Variants in LRP8 observed in about 807,000 individuals in gnomAD.
LRP8 encodes the protein low-density lipoprotein receptor-related protein 8.
A neutral mutation model predicts 111.6 loss-of-function variants in LRP8; 46 were observed. The ratio of observed to expected loss-of-function variants is 0.41; its 90% CI spans 0.33 to 0.53. LRP8 has a LOEUF of 0.53. Ranked by LOEUF, LRP8 falls within the 20% of genes least tolerant of loss-of-function variation. LRP8 has a pLI of 0.20. For synonymous variants in LRP8, 464 were observed against 511.2 expected, an observed-to-expected ratio of 0.91 and a Z score of 1.24; for missense variants, 959 against 1,297.4, an observed-to-expected ratio of 0.74 and a Z score of 4.01.
chr1:53,252,140 G>A (rs1007473069), intron 16 of LRP8, among the ~76,000 whole-genome samples: 3 of 151,724 alleles, frequency 2.0e-5, no homozygotes, highest in African/African-American at 7.3e-5. Context: ...ACTCTTAAGA[G>A]AAGCTGGTGA....
At chr1:53,316,623 C>A (rs1019212511) in intron 2 of LRP8, among the ~76,000 whole-genome samples, 1 of 152,232 alleles carries the variant, frequency 6.6e-6, no homozygotes, top group African/African-American at 2.4e-5. Flanking sequence ...GGCAGACTCC[C>A]ACCATGTGAA....
intron 2 of LRP8, among the ~76,000 whole-genome samples, chr1:53,318,232 C>T (rs1368888155): frequency 6.6e-6 from 1 of 151,536 alleles, no homozygotes; most frequent in South Asian, 2.1e-4. Context: ...CAGTTTTGTA[C>T]TCTTCTGCTT....
At chr1:53,278,717 G>C (rs1647007782) in intron 4 of LRP8, among the ~76,000 whole-genome samples, 1 of 150,844 alleles carries the variant, frequency 6.6e-6, no homozygotes, top group Admixed American at 6.6e-5. Flanking sequence ...TGCAGGGAGG[G>C]TGGACTCACT....
chr1:53,312,162 G>A (rs1653117450), intron 2 of LRP8, among the ~76,000 whole-genome samples: 1 of 152,186 alleles, frequency 6.6e-6, no homozygotes. Context: ...CATACGAGGT[G>A]AGCAGGGCAG....
At chr1:53,256,971 G>T (rs1646114980) in intron 15 of LRP8, among the ~76,000 whole-genome samples, 1 of 152,218 alleles carries the variant, frequency 6.6e-6, no homozygotes, top group Non-Finnish European at 1.5e-5. Flanking sequence ...TTGTGAAGCA[G>T]GTTGTGGAAG....
At chr1:53,300,783 C>T (rs895086677) in intron 2 of LRP8, among the ~76,000 whole-genome samples, 2 of 152,218 alleles carry the variant, frequency 1.3e-5, no homozygotes, top group African/African-American at 4.8e-5. Flanking sequence ...CTGGGGAGTT[C>T]CACAAAGCCC....
rs1651328963 is a variant in LRP8 at position 53,303,290 on chromosome 1, G to C, written c.245-13601C>G. Among the ~76,000 whole-genome samples the C allele has an allele frequency of 1.3e-5, 2 of 152,316 alleles. No homozygotes were observed. Among genetic ancestry groups the C allele is most frequent in the South Asian group, 4.1e-4 (2 of 4,822 alleles). On this transcript the variant is annotated intron_variant, in intron 2 of 18. Transcript: ENST00000306052. The surrounding 1 kb of genome is among the most constrained non-coding windows in gnomAD (Gnocchi z 4.3). Reference sequence around the variant, plus strand: ...GAAAAGCATCTGGGTCCAGTGAGGTGGTGGGGAGCAGCCAGTCCTCACAGG... The same window carrying C: ...GAAAAGCATCTGGGTCCAGTGAGGTCGTGGGGAGCAGCCAGTCCTCACAGG...
Position 53,280,645 on chromosome 1 carries a change from C to T in LRP8, c.438G>A (p.Trp146Ter). The stretch of plus-strand genomic sequence containing the variant: ...CGCAGTCCTTCTCCCCGTCGCAGCG[C>T]CACGAGGCAGGTACACACTTGTGGC... The part of the protein sequence containing the change: ...PTSHKCVPAS[W>*]RCDGEKDCEG... The change falls in exon 4 of 19, where the codon TGG becomes TGA. Residue 146 changes from tryptophan to a stop codon, truncating the protein, a stop_gained. Coordinates refer to ENST00000306052, the MANE Select transcript of LRP8 (RefSeq NM_004631.5). LOFTEE classifies it high-confidence loss of function. 1 of 1,613,554 alleles carries T rather than the reference C, an allele frequency of 6.2e-7. No homozygotes were observed. Among genetic ancestry groups the T allele is most frequent in the Non-Finnish European group, 8.5e-7 (1 of 1,180,042 alleles).
intron 2 of LRP8, chr1:53,291,769 A>G (rs1648815085): frequency 6.6e-6 from 1 of 152,258 alleles, no homozygotes; most frequent in Admixed American, 6.5e-5. Context: ...CAGAGACATT[A>G]GATAAATGAG....
chr1:53,327,268 G>T (rs1419841976), intron 1 of LRP8: 1 of 474,890 alleles, frequency 2.1e-6, no homozygotes, highest in Non-Finnish European at 3.8e-6. Context: ...CCGCACACGC[G>T]ACCCATAGTC....
At chr1:53,314,026 T>G (rs1653454104) in intron 2 of LRP8, among the ~76,000 whole-genome samples, 1 of 152,006 alleles carries the variant, frequency 6.6e-6, no homozygotes, top group Non-Finnish European at 1.5e-5. Flanking sequence ...GGGACCTTCT[T>G]CCTTCCCCTA....
chr1:53,242,858 T>TATATATATATATACACAC lies in LRP8; in HGVS notation c.*4159_*4160insGTGTGTATATATATATAT, dbSNP rs56722919. On this transcript the variant is annotated 3_prime_UTR_variant, in exon 19 of 19. Coordinates refer to ENST00000306052, the MANE Select transcript of LRP8 (RefSeq NM_004631.5). ...TTAAATATATATATATATATATATA[T>TATATATATATATACACAC]ACACACACACACACGTGGCTTTTTA... 1 of 140,618 alleles carries TATATATATATATACACAC rather than the reference T, an allele frequency of 7.1e-6. No homozygotes were observed. Among genetic ancestry groups the TATATATATATATACACAC allele is most frequent in the East Asian group, 2.0e-4 (1 of 4,906 alleles). 8.7% of individuals were successfully genotyped at this position (140,618 alleles called of 1,614,324 possible).
In LRP8 at chr1:53,306,927, T is replaced by G. The variant is rs143142827; in HGVS notation, c.245-17238A>C. On this transcript the variant is annotated intron_variant, in intron 2 of 18. Transcript: ENST00000306052. Reference sequence around the variant, plus strand: ...CTCATTTAGTTCTTACAATCACCCCTGAGGTTCAGAGAGGGACAGGATGGG... The same window carrying G: ...CTCATTTAGTTCTTACAATCACCCCGGAGGTTCAGAGAGGGACAGGATGGG... Among the ~76,000 whole-genome samples the G allele has an allele frequency of 4.3e-3, 657 of 152,282 alleles. 7 individuals carry two copies. Among genetic ancestry groups the G allele is most frequent in the African/African-American group, 0.015 (627 of 41,528 alleles).
Position 53,246,282 on chromosome 1 carries a change from T to C in LRP8, c.*736A>G, listed in dbSNP as rs1327582237. ...TCTGATCCAGATTTCCAAAGGCTTT[T>C]CTGAAAACTACAAGATATACCCCTT... On this transcript the variant is annotated 3_prime_UTR_variant, in exon 19 of 19. Coordinates refer to ENST00000306052, the MANE Select transcript of LRP8 (RefSeq NM_004631.5). 1 of 152,208 alleles carries C rather than the reference T, an allele frequency of 6.6e-6. No individual in the cohort carries two copies. Among genetic ancestry groups the C allele is most frequent in the Non-Finnish European group, 1.5e-5 (1 of 68,046 alleles). 9.4% of individuals were successfully genotyped at this position (152,208 alleles called of 1,614,324 possible).
At position 53,244,941 on chromosome 1, in the gene LRP8, T is replaced by C. The variant is rs758055016; in HGVS notation, c.*2077A>G. The C allele has an allele frequency of 6.6e-6, 1 of 152,210 alleles. No homozygotes were observed. Among genetic ancestry groups the C allele is most frequent in the Non-Finnish European group, 1.5e-5 (1 of 68,038 alleles). The allele number at this position is 152,210 out of a possible 1,614,324, so 9.4% of individuals were successfully genotyped here. A position where few individuals can be genotyped will look rare whatever the true frequency, so the allele number is the denominator to read the frequency against. On this transcript the variant is annotated 3_prime_UTR_variant, in exon 19 of 19. Coordinates refer to ENST00000306052, the MANE Select transcript of LRP8 (RefSeq NM_004631.5). ...GGCCACCTGTTCTTAAAATTCTGTTTGGTATTGGTCATTCTAGGTCAACTG... is the reference window on the plus strand; with the variant it reads ...GGCCACCTGTTCTTAAAATTCTGTTCGGTATTGGTCATTCTAGGTCAACTG...
chr1:53,308,350 C>G (rs144053257), intron 2 of LRP8, among the ~76,000 whole-genome samples: 148 of 152,354 alleles, frequency 9.7e-4, no homozygotes, highest in African/African-American at 3.4e-3. Flanking sequence ...CATTCTCACC[C>G]AGGTCTCCTG....
In LRP8 at chr1:53,328,012, T is replaced by C. The variant is rs1258742463; in HGVS notation, c.-100A>G. The C allele has an allele frequency of 2.8e-6, 2 of 722,202 alleles. No individual in the cohort carries two copies. Among genetic ancestry groups the C allele is most frequent in the Non-Finnish European group, 3.4e-6 (2 of 592,422 alleles). The allele number at this position is 722,202 out of a possible 1,614,324, so 44.7% of individuals were successfully genotyped here. ...CTTGCCGCGGCGCCGGGGTTGCCGC[T>C]GCCCCCGCCGCCGCCGCCGCCGCCG... On this transcript the variant is annotated 5_prime_UTR_variant, in exon 1 of 19. Coordinates refer to ENST00000306052, the MANE Select transcript of LRP8 (RefSeq NM_004631.5).
intron 2 of LRP8, among the ~76,000 whole-genome samples, chr1:53,313,782 T>C (rs190071949): frequency 3.3e-5 from 5 of 152,228 alleles, no homozygotes; most frequent in Non-Finnish European, 7.4e-5. Flanking sequence ...CTTGAAGGGC[T>C]CTGAATGTCA....
intron 6 of LRP8, among the ~76,000 whole-genome samples, chr1:53,274,547 C>G (rs1646857641): frequency 6.6e-6 from 1 of 152,192 alleles, no homozygotes; most frequent in Non-Finnish European, 1.5e-5. Flanking sequence ...GCGAAAAGCC[C>G]CATGTGAAGC....
Sources: gnomAD v4.1 joint callset for allele counts (sites outside exome capture counted in the v4.1 genomes callset) on GRCh38, gnomAD v4.1.1 for gene constraint, Gnocchi (gnomAD v3.1) non-coding constraint, MANE v1.5 for transcripts, NCBI Gene and HGNC (gene_info 2026-07-23, HGNC 2026-07-21) for gene names.